KMT2D: variants seen among roughly 807,000 people sequenced by gnomAD.
KMT2D encodes the protein lysine methyltransferase 2D.
In KMT2D, 55 loss-of-function variants were observed where a neutral mutation model predicts 512.7. The observed-to-expected ratio is 0.11, with a 90% confidence interval of 0.09 to 0.13. KMT2D has a LOEUF of 0.13. Ranked by LOEUF, KMT2D falls within the 10% of genes least tolerant of loss-of-function variation. KMT2D has a pLI of 1.00. For missense variants in KMT2D, 6,061 were observed against 7,127.9 expected (o/e 0.85, Z 5.39); for synonymous variants, 2,995 against 2,904.0 (o/e 1.03, Z -1.01).
At chr12:49,028,436 A>G (rs1482116970) in intron 46 of KMT2D, among the ~76,000 whole-genome samples, 3 of 152,240 alleles carry the variant, frequency 2.0e-5, no homozygotes, top group African/African-American at 7.2e-5. Context: ...AAAGGACCTG[A>G]GGACTCTTGT....
In KMT2D at chr12:49,041,156, G is replaced by A. The variant is rs1038883476; in HGVS notation, c.6614C>T (p.Ala2205Val). 4 of 1,522,156 alleles carry A rather than the reference G, an allele frequency of 2.6e-6. No homozygotes were observed. Among genetic ancestry groups the A allele is most frequent in the African/African-American group, 2.8e-5 (2 of 71,612 alleles). 94.3% of individuals were successfully genotyped at this position (1,522,156 alleles called of 1,614,324 possible). Residue 2205 changes from alanine (A) to valine (V), a missense_variant, in exon 32 of 55, where the codon GCC (alanine) becomes GTC (valine). This residue lies in a region of KMT2D where 710 missense variants were observed against 647.3 expected (regional missense o/e 1.10). Coordinates refer to ENST00000301067, the MANE Select transcript of KMT2D (RefSeq NM_003482.4). The surrounding 1 kb of genome is among the most constrained non-coding windows in gnomAD (Gnocchi z 5.4). ...GCCCAGCATCGGGGGCTGCGCAGGG[G>A]CCCCCGTAGGACTAGGATAGGGGGG... Reference protein sequence around the residue: ...TYPPYPSPTGAPAQPPMLGAS... With the variant: ...TYPPYPSPTGVPAQPPMLGAS...
At position 49,038,794 on chromosome 12, in the gene KMT2D, C is replaced by A. The variant is rs1214289253; in HGVS notation, c.8562G>T (p.Leu2854Phe). The A allele has an allele frequency of 1.3e-6, 2 of 1,586,456 alleles. No individual in the cohort carries two copies. The highest frequency in any genetic ancestry group is 1.7e-6 in the Non-Finnish European group (2 of 1,166,150). ...CTGGCAGACGGGTGGAAATTCCCGC[C>A]AACGGGGAACCTAGGGCTTGGCGGC... Reference protein sequence around the residue: ...ELGRQALGSPLAGISTRLPGP... With the variant: ...ELGRQALGSPFAGISTRLPGP... The change falls in exon 35 of 55, where the codon TTG becomes TTT. Residue 2854 changes from leucine to phenylalanine, a missense_variant. This residue lies in a region of KMT2D where 527 missense variants were observed against 578.9 expected (regional missense o/e 0.91). Coordinates refer to ENST00000301067, the MANE Select transcript of KMT2D (RefSeq NM_003482.4). This position sits in a 1 kb window ranked among gnomAD's most constrained non-coding sequence, Gnocchi z 5.7.
rs2120498404 is a variant in KMT2D at position 49,038,477 on chromosome 12, C to A, written c.8879G>T (p.Gly2960Val). Residue 2960 changes from glycine (G) to valine (V), a missense_variant, in exon 35 of 55, where the codon GGT becomes GTT. Transcript: ENST00000301067. This position sits in a 1 kb window ranked among gnomAD's most constrained non-coding sequence, Gnocchi z 5.7. The stretch of plus-strand genomic sequence containing the variant: ...CGGGGGCCGGTTGACCAGCTCCAAA[C>A]CAGTTGGCAGGGTAGGACCCTTGGT... ...PHTKGPTLPT[G>V]LELVNRPPSS... 1.2e-6 allele frequency: 2 copies of A among 1,607,566 alleles called. No individual in the cohort carries two copies. Among genetic ancestry groups the A allele is most frequent in the Non-Finnish European group, 1.7e-6 (2 of 1,175,712 alleles).
rs1299856563 is a variant in KMT2D, at chr12:49,050,115, T to C, written c.3473A>G (p.Glu1158Gly). Residue 1158 changes from glutamate to glycine, a missense_variant, in exon 12 of 55, where the codon GAG becomes GGG. This residue lies in a region of KMT2D where 447 missense variants were observed against 500.1 expected (regional missense o/e 0.89). Transcript: ENST00000301067. ...CATAGGGGTCACAGGGGCCAGCTCC[T>C]CGGGGTCCAGGAGCACAGGGGAGCC... ...LKGSPVLLDP[E>G]ELAPVTPMEV... The C allele has an allele frequency of 3.1e-6, 5 of 1,613,402 alleles. No homozygotes were observed. The African/African-American group carries it at 6.7e-5, about 22-fold the overall frequency.
chr12:49,040,124 G>A lies in KMT2D; in HGVS notation c.7646C>T (p.Pro2549Leu), dbSNP rs767335708. 1.2e-6 allele frequency: 2 copies of A among 1,613,898 alleles called. No individual in the cohort carries two copies. The highest frequency in any genetic ancestry group is 1.7e-6 in the Non-Finnish European group (2 of 1,179,858). ...CGGGAGACCAGGCTGAGGGACAGGG[G>A]GCTTTAGGGAAGGCTCCCCTACTGC... ...PQAVGEPSLK[P>L]PVPQPGLPPP... Residue 2549 changes from proline (P) to leucine (L), a missense_variant, in exon 32 of 55, where the codon CCC becomes CTC. By Grantham distance (98) the Pro-to-Leu change is moderately conservative. Transcript: ENST00000301067.
intron 35 of KMT2D, among the ~76,000 whole-genome samples, chr12:49,036,582 G>A (rs182558011): frequency 1.1e-4 from 16 of 149,640 alleles, no homozygotes; most frequent in South Asian, 4.2e-4. Flanking sequence ...TCTGCCTCAT[G>A]GGTTCAATCA....
rs754455263 is a variant in KMT2D at position 49,026,901 on chromosome 12, G to A, written c.15065C>T (p.Pro5022Leu). 6.2e-7 allele frequency: 1 copy of A among 1,614,016 alleles called. No homozygotes were observed. The highest frequency in any genetic ancestry group is 8.5e-7 in the Non-Finnish European group (1 of 1,179,910). ...ACGCATGTCTCGCGGTACCTTGTCAGGTCGCAAGGCTGTGCCAAGCTGCTC... is the reference window on the plus strand; with the variant it reads ...ACGCATGTCTCGCGGTACCTTGTCAAGTCGCAAGGCTGTGCCAAGCTGCTC... Reference protein sequence around the residue: ...FMEQLGTALRPDKVPRDMRRC... With the variant: ...FMEQLGTALRLDKVPRDMRRC... The change falls in exon 49 of 55, where the codon CCT becomes CTT. Residue 5022 changes from proline to leucine, a missense_variant. This residue lies in a region of KMT2D where 1,600 missense variants were observed against 1,754.9 expected (regional missense o/e 0.91). Transcript: ENST00000301067. The surrounding 1 kb of genome is among the most constrained non-coding windows in gnomAD (Gnocchi z 9.6).
At position 49,030,707 on chromosome 12, in the gene KMT2D, G is replaced by C. The variant is rs1053585906; in HGVS notation, c.13733C>G (p.Pro4578Arg). 3 of 1,613,690 alleles carry C rather than the reference G, an allele frequency of 1.9e-6. No homozygotes were observed. The highest frequency in any genetic ancestry group is 2.5e-6 in the Non-Finnish European group (3 of 1,179,880). The change falls in exon 42 of 55, where the codon CCC becomes CGC. Residue 4578 changes from proline to arginine, a missense_variant. Physicochemically the swap from Pro to Arg is moderately radical, Grantham distance 103 (BLOSUM62 -2). Coordinates refer to ENST00000301067, the MANE Select transcript of KMT2D (RefSeq NM_003482.4). ...AITANFSLFA[P>R]FGSGCPVNGQ... ...ATTGACTGGGCAGCCACTGCCAAAG[G>C]GGGCAAAGAGGCTAAAATTGGCGGT...
At chr12:49,035,079 G>T in intron 35 of KMT2D, 144 bp from the exon 36 acceptor site, 1 of 1,022,752 alleles carries the variant, frequency 9.8e-7, no homozygotes. Context: ...TTAGGAGCCA[G>T]TCGGCCTGGG....
intron 1 of KMT2D, 50 bp from the exon 2 acceptor site, chr12:49,055,411 A>G (rs1938350425): frequency 1.6e-6 from 2 of 1,290,214 alleles, no homozygotes; most frequent in Non-Finnish European, 2.2e-6. Flanking sequence ...CTTCCCAAGA[A>G]GCATTTTTCC....
In KMT2D at chr12:49,049,755, G is replaced by C. The variant is rs2120639759; in HGVS notation, c.3833C>G (p.Ala1278Gly). The C allele has an allele frequency of 6.2e-7, 1 of 1,610,684 alleles. No individual in the cohort carries two copies. Among genetic ancestry groups the C allele is most frequent in the Non-Finnish European group, 8.5e-7 (1 of 1,177,138 alleles). The change falls in exon 12 of 55, where the codon GCT becomes GGT. Residue 1278 changes from alanine (A) to glycine (G), a missense_variant. Physicochemically the swap from Ala to Gly is moderately conservative, Grantham distance 60. Coordinates refer to ENST00000301067, the MANE Select transcript of KMT2D (RefSeq NM_003482.4). ...CCCCTCAGCTTTGCCTCCGCTGATA[G>C]CTGTCCCAGCATCGCACAATAGTGA... ...DDSLLCDAGT[A>G]ISGGKAEGEK...
chr12:49,043,362 C>A lies in KMT2D; in HGVS notation c.5533+1G>T, dbSNP rs2120567380. ...GACACAGTAACCCCGGCAGCCCTCA[C>A]CTGGTGTATCGGCTTTGCCCTCGAG... On this transcript the variant is annotated splice_donor_variant, in intron 25 of 54. Coordinates refer to ENST00000301067, the MANE Select transcript of KMT2D (RefSeq NM_003482.4). LOFTEE classifies it high-confidence loss of function. 1 of 1,613,854 alleles carries A rather than the reference C, an allele frequency of 6.2e-7. No individual in the cohort carries two copies. The highest frequency in any genetic ancestry group is 8.5e-7 in the Non-Finnish European group (1 of 1,179,764).
In KMT2D at chr12:49,049,229, G is replaced by C. The variant is rs371235044; in HGVS notation, c.3907-11C>G. 1.2e-4 allele frequency: 184 copies of C among 1,555,838 alleles called. No individual in the cohort carries two copies. The African/African-American group carries it at 2.4e-3, about 20-fold the overall frequency. Reference sequence around the variant, plus strand: ...ACTGCTGCTGCGACCCTGAGTGAAAGAAGGGGACAATGACAGGAGCATGTC... The same window carrying C: ...ACTGCTGCTGCGACCCTGAGTGAAACAAGGGGACAATGACAGGAGCATGTC... On this transcript the variant is annotated splice_polypyrimidine_tract_variant and intron_variant, in intron 12 of 54. Coordinates refer to ENST00000301067, the MANE Select transcript of KMT2D (RefSeq NM_003482.4).
chr12:49,027,668 T>G, intron 48 of KMT2D, 135 bp downstream of exon 48: 1 of 1,107,806 alleles, frequency 9.0e-7, no homozygotes, highest in Non-Finnish European at 1.3e-6. Context: ...TTGGCCAGGC[T>G]GGTCTCAAAC....
rs1263781218 is a variant in KMT2D, at chr12:49,051,475, G to A, written c.2208C>T (p.Pro736=). The change falls in exon 11 of 55, where the codon CCC becomes CCT. Residue 736 remains proline, a synonymous_variant. Transcript: ENST00000301067. The part of the protein sequence containing the change: ...LPLPEEPQLC[P]RSEGPHLSPR... ...GTGACAGGTGCGGCCCCTCGGACCG[G>A]GGGCAGAGTTGCGGCTCCTCAGGTA... 6.2e-7 allele frequency: 1 copy of A among 1,613,538 alleles called. No individual in the cohort carries two copies. The highest frequency in any genetic ancestry group is 1.1e-5 in the South Asian group (1 of 91,066).
chr12:49,051,214 G>T lies in KMT2D; in HGVS notation c.2469C>A (p.Cys823Ter), dbSNP rs2120665489. 1 of 1,513,138 alleles carries T rather than the reference G, an allele frequency of 6.6e-7. No homozygotes were observed. Among genetic ancestry groups the T allele is most frequent in the Non-Finnish European group, 8.9e-7 (1 of 1,125,318 alleles). 93.7% of individuals were successfully genotyped at this position (1,513,138 alleles called of 1,614,324 possible). The stretch of plus-strand genomic sequence containing the variant: ...GTGATTCCTCAGGTTGGGGGGACAA[G>T]CATGGCTCCTCAGGCACAGGAGACA... The part of the protein sequence containing the change: ...PHLSPVPEEP[C>*]LSPQPEESHL... Residue 823 changes from cysteine (C) to a stop codon, truncating the protein, a stop_gained, in exon 11 of 55, where the codon TGC becomes TGA. Coordinates refer to ENST00000301067, the MANE Select transcript of KMT2D (RefSeq NM_003482.4). LOFTEE classifies it high-confidence loss of function.
rs1267448004 is a variant in KMT2D at position 49,052,632 on chromosome 12, T to G, written c.1190A>C (p.Lys397Thr). Residue 397 changes from lysine (K) to threonine (T), a missense_variant, in exon 10 of 55, where the codon AAG (lysine) becomes ACG (threonine). Lys to Thr is a moderately conservative substitution (Grantham distance 78). This residue lies in a region of KMT2D where 848 missense variants were observed against 838.5 expected (regional missense o/e 1.01). Transcript: ENST00000301067. ...TTGCATAGAGGTCACGTGCCCACCC[T>G]TTGGCTGCCCTTGGCATGCAACGTA... ...ALYVACQGQP[K>T]GGHVTSMQPK... 14 of 1,613,676 alleles carry G rather than the reference T, an allele frequency of 8.7e-6. No individual in the cohort carries two copies. Among genetic ancestry groups the G allele is most frequent in the Non-Finnish European group, 1.2e-5 (14 of 1,179,704 alleles).
Position 49,024,619 on chromosome 12 carries a change from G to C in KMT2D, c.16011C>G (p.Gly5337=). Reference sequence around the variant, plus strand: ...GGATTTTAGGCTCTGATCGGGCACAGCCAGTGGGGTTGATCATGAGTGGCA... The same window carrying C: ...GGATTTTAGGCTCTGATCGGGCACACCCAGTGGGGTTGATCATGAGTGGCA... ...MELPLMINPT[G]CARSEPKILT... The change falls in exon 51 of 55, where the codon GGC becomes GGG. Residue 5337 remains glycine, a synonymous_variant. Transcript: ENST00000301067. This position sits in a 1 kb window ranked among gnomAD's most constrained non-coding sequence, Gnocchi z 4.5. 1.9e-6 allele frequency: 3 copies of C among 1,613,888 alleles called. No individual in the cohort carries two copies. Among genetic ancestry groups the C allele is most frequent in the Non-Finnish European group, 2.5e-6 (3 of 1,179,846 alleles).
intron 1 of KMT2D, among the ~76,000 whole-genome samples, chr12:49,057,487 AT>A (rs1938480254): frequency 6.6e-6 from 1 of 152,248 alleles, no homozygotes; most frequent in Non-Finnish European, 1.5e-5. Context: ...AACCACCTTC[AT>A]CTGGCCTTGA....
Sources: allele counts gnomAD v4.1 joint callset (sites outside exome capture counted in the v4.1 genomes callset), GRCh38; gene constraint gnomAD v4.1.1; regional missense constraint gnomAD v4.1.1; non-coding constraint Gnocchi (gnomAD v3.1); transcripts MANE v1.5; gene names NCBI Gene and HGNC (gene_info 2026-07-23, HGNC 2026-07-21).